LRMDA: variants seen among roughly 807,000 people sequenced by gnomAD.
LRMDA encodes the protein leucine rich melanocyte differentiation associated.
Under a neutral mutation model 29.8 loss-of-function variants are expected in LRMDA, and 18 were observed. The ratio of observed to expected loss-of-function variants is 0.60; its 90% CI spans 0.42 to 0.90. The LOEUF is 0.90. Among genes scored for constraint, LRMDA ranks in the 40% least tolerant of loss-of-function variants. LRMDA has a pLI of 0.00. For missense variants in LRMDA, 273 were observed against 273.9 expected (o/e 1.00, Z 0.02); for synonymous variants, 125 against 109.4 (o/e 1.14, Z -0.89).
chr10:76,173,705 G>A lies in LRMDA; in HGVS notation c.516+114922G>A, dbSNP rs1850880147. Among the ~76,000 whole-genome samples, 4 of 152,090 alleles carry A rather than the reference G, an allele frequency of 2.6e-5. No homozygotes were observed. The South Asian group carries it at 8.3e-4, about 32-fold the overall frequency. On this transcript the variant is annotated intron_variant, in intron 5 of 6. Coordinates refer to ENST00000611255, the MANE Select transcript of LRMDA (RefSeq NM_001305581.2). ...AGACGGAGTCTCACTCTGTCACCCA[G>A]GCTGGAGTGCAGTGGTGCCATCTCG...
chr10:75,486,189 G>T (rs1158650731), intron 2 of LRMDA, among the ~76,000 whole-genome samples: 1 of 152,146 alleles, frequency 6.6e-6, no homozygotes, highest in Non-Finnish European at 1.5e-5. Context: ...ATCAGAGAAT[G>T]TGATCTATAT....
At chr10:75,681,775 G>A (rs528733485) in intron 2 of LRMDA, among the ~76,000 whole-genome samples, 1 of 152,360 alleles carries the variant, frequency 6.6e-6, no homozygotes, top group East Asian at 1.9e-4. Flanking sequence ...ACGAGTGACT[G>A]TTTGCTGAAC....
intron 6 of LRMDA, among the ~76,000 whole-genome samples, chr10:76,379,719 T>G (rs1289772243): frequency 6.6e-6 from 1 of 152,200 alleles, no homozygotes; most frequent in Non-Finnish European, 1.5e-5. Context: ...TATTTCGTTC[T>G]GCTCTGATCT....
At chr10:76,103,284 T>C (rs961361526) in intron 5 of LRMDA, among the ~76,000 whole-genome samples, 3 of 152,174 alleles carry the variant, frequency 2.0e-5, no homozygotes, top group Non-Finnish European at 2.9e-5. Flanking sequence ...CAAAATGCAG[T>C]TGAGGATAAA....
intron 2 of LRMDA, among the ~76,000 whole-genome samples, chr10:75,859,655 G>C (rs1844889096): frequency 7.6e-6 from 1 of 132,266 alleles, no homozygotes. Flanking sequence ...ACATACATCT[G>C]GCCTCGATGC....
chr10:75,733,900 G>A (rs917689157), intron 2 of LRMDA, among the ~76,000 whole-genome samples: 1 of 152,186 alleles, frequency 6.6e-6, no homozygotes, highest in African/African-American at 2.4e-5. Flanking sequence ...TAAAGGAGGT[G>A]AAGAAATGGA....
chr10:76,337,746 G>A (rs1484942681), intron 6 of LRMDA, among the ~76,000 whole-genome samples: 2 of 152,088 alleles, frequency 1.3e-5, no homozygotes, highest in Non-Finnish European at 2.9e-5. Context: ...GATTGCACGT[G>A]GTTCAGGGCT....
At chr10:75,821,387 T>C (rs578159603) in intron 2 of LRMDA, among the ~76,000 whole-genome samples, 1 of 152,342 alleles carries the variant, frequency 6.6e-6, no homozygotes, top group African/African-American at 2.4e-5. Context: ...TGTGATTCAC[T>C]GCATGAACAG....
intron 6 of LRMDA, among the ~76,000 whole-genome samples, chr10:76,339,298 T>A (rs7082347): frequency 0.11 from 15,879 of 141,916 alleles, 1,008 homozygotes; most frequent in East Asian, 0.33. Flanking sequence ...GTAAAAGAGG[T>A]AAGAAAAAGA....
intron 2 of LRMDA, among the ~76,000 whole-genome samples, chr10:75,478,723 A>G (rs1437935500): frequency 6.6e-6 from 1 of 152,164 alleles, no homozygotes; most frequent in Non-Finnish European, 1.5e-5. Flanking sequence ...AATAATACAT[A>G]AGGATTTCCG....
intron 2 of LRMDA, among the ~76,000 whole-genome samples, chr10:75,913,213 CTTTGGGAGGCCAAG>C: frequency 6.6e-6 from 1 of 152,238 alleles, no homozygotes; most frequent in South Asian, 2.1e-4. Flanking sequence ...AATCCCAGCA[CTTTGGGAGGCCAAG>C]GCTGGTGGAT....
intron 2 of LRMDA, among the ~76,000 whole-genome samples, chr10:75,575,878 T>TTTACTCTGGTGGTGTGG (rs1253372498): frequency 4.0e-5 from 6 of 151,744 alleles, no homozygotes; most frequent in Non-Finnish European, 5.9e-5. Flanking sequence ...GACCAGGAGA[T>TTTACTCTGGTGGTGTGG]TTACTCTGGT....
At chr10:76,243,841 C>T (rs1370312279) in intron 5 of LRMDA, among the ~76,000 whole-genome samples, 1 of 152,090 alleles carries the variant, frequency 6.6e-6, no homozygotes, top group East Asian at 1.9e-4. Flanking sequence ...CCATCCTATC[C>T]CTGGGACCTG....
chr10:76,044,674 T>C (rs1162451043), intron 3 of LRMDA, among the ~76,000 whole-genome samples: 3 of 152,132 alleles, frequency 2.0e-5, no homozygotes, highest in Non-Finnish European at 4.4e-5. Flanking sequence ...ATCCCCCTGG[T>C]GTGGGACCTT....
Position 76,251,319 on chromosome 10 carries a change from C to T in LRMDA, c.517-73082C>T, listed in dbSNP as rs574665712. ...GGACTGCGGACTGCAGTGGCGCAAT[C>T]TCGGCTCACTGCAAGCTCCGCTTCC... On this transcript the variant is annotated intron_variant, in intron 5 of 6. Coordinates refer to ENST00000611255, the MANE Select transcript of LRMDA (RefSeq NM_001305581.2). Among the ~76,000 whole-genome samples the T allele has an allele frequency of 2.8e-4, 38 of 137,266 alleles. No homozygotes were observed. In the East Asian group the frequency reaches 9.1e-3, roughly 33 times the overall value. 90.1% of individuals were successfully genotyped at this position (137,266 alleles called of 152,430 possible). A position where few individuals can be genotyped will look rare whatever the true frequency, so the allele number is the denominator to read the frequency against.
At chr10:75,900,662 T>A (rs192320140) in intron 2 of LRMDA, among the ~76,000 whole-genome samples, 1 of 152,274 alleles carries the variant, frequency 6.6e-6, no homozygotes, top group Admixed American at 6.5e-5. Flanking sequence ...TGGCCTTTCA[T>A]GTACCCACAG....
intron 6 of LRMDA, among the ~76,000 whole-genome samples, chr10:76,471,308 A>G (rs1315123866): frequency 6.6e-6 from 1 of 151,856 alleles, no homozygotes; most frequent in Admixed American, 6.6e-5. Context: ...GCACAAAAGG[A>G]GGAAGATGGA....
At chr10:76,531,508 TG>T (rs1203344418) in intron 6 of LRMDA, among the ~76,000 whole-genome samples, 3 of 152,166 alleles carry the variant, frequency 2.0e-5, no homozygotes, top group Admixed American at 6.5e-5. Flanking sequence ...AATTTATGAG[TG>T]CTGAATTTTG....
At chr10:76,549,843 T>C (rs1475026699) in intron 6 of LRMDA, among the ~76,000 whole-genome samples, 1 of 152,204 alleles carries the variant, frequency 6.6e-6, no homozygotes, top group Non-Finnish European at 1.5e-5. Context: ...GGGGAGGAAT[T>C]AACCTTGGTA....
Sources: allele counts gnomAD v4.1 joint callset (sites outside exome capture counted in the v4.1 genomes callset), GRCh38; gene constraint gnomAD v4.1.1; transcripts MANE v1.5; gene names NCBI Gene and HGNC (gene_info 2026-07-23, HGNC 2026-07-21).